Variants in TNFRSF13B observed in about 807,000 individuals in gnomAD.
The protein encoded by TNFRSF13B is TNF receptor superfamily member 13B.
Under a neutral mutation model 24.0 loss-of-function variants are expected in TNFRSF13B, and 34 were observed. The ratio of observed to expected loss-of-function variants is 1.41; its 90% CI spans 1.08 to 1.88. TNFRSF13B has a LOEUF of 1.88. Ranked by LOEUF, TNFRSF13B falls within the 40% of genes most tolerant of loss-of-function variation. TNFRSF13B has a pLI of 0.00. For synonymous variants in TNFRSF13B, 173 were observed against 150.3 expected, an observed-to-expected ratio of 1.15 and a Z score of -1.10; for missense variants, 415 against 380.8, an observed-to-expected ratio of 1.09 and a Z score of -0.75.
Position 16,939,682 on chromosome 17 carries a change from C to T in TNFRSF13B, c.747G>A (p.Gly249=). Reference sequence around the variant, plus strand: ...TTCCAGCACAAGTGGGGTCGGGGGTCCCAGGCGTGACTGCGCTCTCCTGCG... The same window carrying T: ...TTCCAGCACAAGTGGGGTCGGGGGTTCCAGGCGTGACTGCGCTCTCCTGCG... ...APTQESAVTP[G]TPDPTCAGRW... The change falls in exon 5 of 5, where the codon GGG becomes GGA. Residue 249 remains glycine (G), a synonymous_variant. Transcript: ENST00000261652. 1 of 1,610,438 alleles carries T rather than the reference C, an allele frequency of 6.2e-7. No homozygotes were observed. Among genetic ancestry groups the T allele is most frequent in the Non-Finnish European group, 8.5e-7 (1 of 1,177,430 alleles).
intron 1 of TNFRSF13B, 130 bp from the exon 2 acceptor site, chr17:16,952,713 G>A (rs896723285): frequency 7.0e-7 from 1 of 1,428,788 alleles, no homozygotes; most frequent in Non-Finnish European, 9.6e-7. Context: ...GAGCAGAGAG[G>A]GCAGACAAAG....
chr17:16,946,514 G>A (rs1279179941), intron 3 of TNFRSF13B, among the ~76,000 whole-genome samples: 2 of 151,882 alleles, frequency 1.3e-5, no homozygotes, highest in Non-Finnish European at 2.9e-5. Flanking sequence ...GTCCAAAGTG[G>A]CCATCTCCAG....
chr17:16,966,268 CA>C (rs971651917), intron 1 of TNFRSF13B, among the ~76,000 whole-genome samples: 43 of 147,200 alleles, frequency 2.9e-4, no homozygotes, highest in African/African-American at 1.0e-3. Context: ...AAAAAAACAC[CA>C]AAAAAACAAA....
intron 1 of TNFRSF13B, among the ~76,000 whole-genome samples, chr17:16,954,143 C>T (rs986236020): frequency 2.0e-5 from 3 of 152,152 alleles, no homozygotes; most frequent in Non-Finnish European, 4.4e-5. Context: ...GCCTGTAATC[C>T]GAGCATTTTG....
chr17:16,962,213 A>G (rs2087667013), intron 1 of TNFRSF13B, among the ~76,000 whole-genome samples: 1 of 152,218 alleles, frequency 6.6e-6, no homozygotes, highest in Non-Finnish European at 1.5e-5. Context: ...CATTACTGAG[A>G]AAAGAAAGGT....
At chr17:16,955,299 G>A (rs933975538) in intron 1 of TNFRSF13B, among the ~76,000 whole-genome samples, 5 of 152,138 alleles carry the variant, frequency 3.3e-5, no homozygotes, top group Admixed American at 1.3e-4. Context: ...GAAGACACGC[G>A]GGAAACAGAA....
In TNFRSF13B at chr17:16,939,798, C is replaced by G; in HGVS notation, c.632-1G>C. 1 of 1,611,204 alleles carries G rather than the reference C, an allele frequency of 6.2e-7. No individual in the cohort carries two copies. The highest frequency in any genetic ancestry group is 8.5e-7 in the Non-Finnish European group (1 of 1,179,222). ...GGGCTGCCGGCTTCCATCGCGTGAT[C>G]TGCAGAGGCGAGAGTGGAGGGCGTG... is the stretch of plus-strand genomic sequence containing the variant. On this transcript the variant is annotated splice_acceptor_variant, in intron 4 of 4. Coordinates refer to ENST00000261652, the MANE Select transcript of TNFRSF13B (RefSeq NM_012452.3). LOFTEE classifies it high-confidence loss of function.
intron 1 of TNFRSF13B, among the ~76,000 whole-genome samples, chr17:16,962,049 G>A (rs765871540): frequency 6.6e-6 from 1 of 152,182 alleles, no homozygotes; most frequent in Non-Finnish European, 1.5e-5. Flanking sequence ...CTCTATCCCA[G>A]CTAAAATGGA....
chr17:16,957,020 C>A (rs1356181845), intron 1 of TNFRSF13B, among the ~76,000 whole-genome samples: 1 of 151,932 alleles, frequency 6.6e-6, no homozygotes, highest in Non-Finnish European at 1.5e-5. Context: ...ATGATAACGA[C>A]GTGTCAGTGT....
At chr17:16,949,889 T>C (rs1428354981) in intron 2 of TNFRSF13B, among the ~76,000 whole-genome samples, 1 of 152,098 alleles carries the variant, frequency 6.6e-6, no homozygotes, top group East Asian at 1.9e-4. Context: ...TTTCGCCGTG[T>C]TGGCCAGGCT....
At chr17:16,963,985 G>C (rs1185973232) in intron 1 of TNFRSF13B, among the ~76,000 whole-genome samples, 1 of 152,058 alleles carries the variant, frequency 6.6e-6, no homozygotes, top group African/African-American at 2.4e-5. Context: ...TAAGGCTGCA[G>C]CCTGAGACCT....
chr17:16,964,190 CT>C (rs1056919077), intron 1 of TNFRSF13B, among the ~76,000 whole-genome samples: 42 of 152,040 alleles, frequency 2.8e-4, no homozygotes, highest in Admixed American at 1.8e-3. Flanking sequence ...GAAAAGATGG[CT>C]TTTGGTTTCT....
intron 2 of TNFRSF13B, among the ~76,000 whole-genome samples, chr17:16,951,942 CA>C (rs995573952): frequency 3.3e-5 from 5 of 151,888 alleles, no homozygotes; most frequent in South Asian, 2.1e-4. Flanking sequence ...ATACACAAGT[CA>C]AAAAAATTGG....
At chr17:16,947,864 A>G (rs538494845) in intron 3 of TNFRSF13B, among the ~76,000 whole-genome samples, 80 of 152,366 alleles carry the variant, frequency 5.3e-4, no homozygotes, top group African/African-American at 1.9e-3. Context: ...TCCAAAGGAA[A>G]ATAAACCGTT....
chr17:16,948,752 G>T lies in TNFRSF13B; in HGVS notation c.431C>A (p.Ser144Ter), dbSNP rs104894650. The part of the protein sequence containing the change: ...GRYQGLEHRG[S>*]EASPALPGLK... Reference sequence around the variant, plus strand: ...GGGTGGCTTACCTGGACTTGCTTCTGAGCCTCTGTGCTCCAATCCTTGGTA... The same window carrying T: ...GGGTGGCTTACCTGGACTTGCTTCTTAGCCTCTGTGCTCCAATCCTTGGTA... Residue 144 changes from serine (S) to a stop codon, truncating the protein, a stop_gained, in exon 3 of 5, where the codon TCA (serine) becomes TAA (stop). Coordinates refer to ENST00000261652, the MANE Select transcript of TNFRSF13B (RefSeq NM_012452.3). LOFTEE classifies it high-confidence loss of function. The T allele has an allele frequency of 3.8e-5, 61 of 1,613,948 alleles. No individual in the cohort carries two copies. Among genetic ancestry groups the T allele is most frequent in the Non-Finnish European group, 4.7e-5 (56 of 1,180,050 alleles).
In TNFRSF13B at chr17:16,939,663, C is replaced by T; in HGVS notation, c.766G>A (p.Ala256Thr). 6.2e-7 allele frequency: 1 copy of T among 1,612,232 alleles called. No individual in the cohort carries two copies. The highest frequency in any genetic ancestry group is 8.5e-7 in the Non-Finnish European group (1 of 1,178,666). Residue 256 changes from alanine (A) to threonine (T), a missense_variant, in exon 5 of 5, where the codon GCT becomes ACT. Transcript: ENST00000261652. ...VTPGTPDPTC[A>T]GRWGCHTRTT... ...CTGGTGTGGCACCCCCACCTTCCAGCACAAGTGGGGTCGGGGGTCCCAGGC... is the reference window on the plus strand; with the variant it reads ...CTGGTGTGGCACCCCCACCTTCCAGTACAAGTGGGGTCGGGGGTCCCAGGC...
chr17:16,956,042 C>T (rs185033448), intron 1 of TNFRSF13B, among the ~76,000 whole-genome samples: 125 of 152,042 alleles, frequency 8.2e-4, no homozygotes, highest in African/African-American at 2.9e-3. Flanking sequence ...GTGGCTTCCA[C>T]GGGATTTAAA....
At chr17:16,962,289 T>C (rs2087667793) in intron 1 of TNFRSF13B, among the ~76,000 whole-genome samples, 1 of 149,736 alleles carries the variant, frequency 6.7e-6, no homozygotes, top group Admixed American at 6.6e-5. Context: ...GGTGGATCAT[T>C]TGAGGTCAGG....
chr17:16,944,409 C>T (rs1025158206), intron 3 of TNFRSF13B, among the ~76,000 whole-genome samples: 2 of 152,204 alleles, frequency 1.3e-5, no homozygotes, highest in African/African-American at 4.8e-5. Flanking sequence ...TGAAGGCGAA[C>T]AACTCCAGCC....
Sources: gnomAD v4.1 joint callset for allele counts (sites outside exome capture counted in the v4.1 genomes callset) on GRCh38, gnomAD v4.1.1 for gene constraint, MANE v1.5 for transcripts, NCBI Gene and HGNC (gene_info 2026-07-23, HGNC 2026-07-21) for gene names.